The following PTPRD variants were observed in gnomAD, a reference collection of about 807,000 sequenced individuals.
The protein encoded by PTPRD is protein tyrosine phosphatase receptor type D, also known as receptor-type tyrosine-protein phosphatase delta.
Under a neutral mutation model 214.5 loss-of-function variants are expected in PTPRD, and 34 were observed. The observed-to-expected ratio is 0.16, with a 90% CI of 0.12 to 0.21. The LOEUF (loss-of-function observed/expected upper bound fraction) is 0.21, where lower values mean the gene tolerates loss of function less well. Among genes scored for constraint, PTPRD ranks in the 10% least tolerant of loss-of-function variants. PTPRD has a pLI of 1.00. For missense variants in PTPRD, 2,545 were observed against 2,398.7 expected (o/e 1.06, Z -1.27); for synonymous variants, 1,128 against 845.7 (o/e 1.33, Z -5.79).
chr9:8,957,454 G>C (rs2099137024), intron 11 of PTPRD, among the ~76,000 whole-genome samples: 1 of 151,358 alleles, frequency 6.6e-6, no homozygotes, highest in South Asian at 2.1e-4. Flanking sequence ...TTTTCCTTCT[G>C]TTCTGTTTTT....
At chr9:9,699,281 A>C (rs769545657) in intron 7 of PTPRD, among the ~76,000 whole-genome samples, 7 of 152,150 alleles carry the variant, frequency 4.6e-5, no homozygotes, top group African/African-American at 1.2e-4. Flanking sequence ...TTTCAAGCAC[A>C]ATGGCAATAA....
At chr9:8,694,734 T>C (rs1419420914) in intron 12 of PTPRD, among the ~76,000 whole-genome samples, 3 of 152,214 alleles carry the variant, frequency 2.0e-5, no homozygotes, top group East Asian at 1.9e-4. Flanking sequence ...TAAATACCTA[T>C]TATTCATGGG....
At chr9:9,900,368 A>G (rs530329270) in intron 5 of PTPRD, among the ~76,000 whole-genome samples, 2 of 152,340 alleles carry the variant, frequency 1.3e-5, no homozygotes, top group South Asian at 4.1e-4. Context: ...AAACTTTCAC[A>G]AATTGCTAGG....
chr9:9,790,970 C>A (rs1219192759), intron 5 of PTPRD, among the ~76,000 whole-genome samples: 1 of 152,110 alleles, frequency 6.6e-6, no homozygotes, highest in Non-Finnish European at 1.5e-5. Flanking sequence ...ACAGATGGTT[C>A]AGTACATATC....
chr9:8,318,979 T>C (rs1333388863), intron 45 of PTPRD, among the ~76,000 whole-genome samples: 1 of 152,248 alleles, frequency 6.6e-6, no homozygotes, highest in South Asian at 2.1e-4. Context: ...GCAAAATAAA[T>C]GGTGTTTACT....
chr9:9,671,307 T>C (rs942931476), intron 7 of PTPRD, among the ~76,000 whole-genome samples: 7 of 152,202 alleles, frequency 4.6e-5, no homozygotes, highest in Admixed American at 3.3e-4. Flanking sequence ...TGGCTATAGT[T>C]ACCCAATACC....
intron 11 of PTPRD, among the ~76,000 whole-genome samples, chr9:8,849,551 C>T (rs1171146254): frequency 6.6e-6 from 1 of 152,034 alleles, no homozygotes; most frequent in Non-Finnish European, 1.5e-5. Flanking sequence ...CAACTCAATT[C>T]AACGAAAAGG....
intron 11 of PTPRD, among the ~76,000 whole-genome samples, chr9:8,821,943 G>C (rs1012207370): frequency 3.3e-5 from 5 of 152,178 alleles, no homozygotes; most frequent in Non-Finnish European, 7.3e-5. Context: ...GATTACAGGC[G>C]TGAGCCACCC....
At chr9:9,619,505 T>A (rs1184002528) in intron 7 of PTPRD, among the ~76,000 whole-genome samples, 1 of 146,834 alleles carries the variant, frequency 6.8e-6, no homozygotes, top group East Asian at 2.0e-4. Context: ...TATATTATAT[T>A]ATATAAATAT....
Position 8,343,476 on chromosome 9 carries a change from T to C in PTPRD, c.4662-1498A>G, listed in dbSNP as rs189505658. 1.2e-3 allele frequency among the ~76,000 whole-genome samples: 184 copies of C among 152,106 alleles called. 1 individual carries two copies. Among genetic ancestry groups the C allele is most frequent in the African/African-American group, 4.2e-3 (174 of 41,518 alleles). ...TGGCAACCTGATGCAAACATTAATA[T>C]AGAGCAAAGTCGGCCTGGTGGTTCC... On this transcript the variant is annotated intron_variant, in intron 39 of 45. Coordinates refer to ENST00000381196, the MANE Select transcript of PTPRD (RefSeq NM_002839.4).
chr9:9,997,389 G>A (rs1286600195), intron 4 of PTPRD, among the ~76,000 whole-genome samples: 1 of 151,512 alleles, frequency 6.6e-6, no homozygotes, highest in Non-Finnish European at 1.5e-5. Flanking sequence ...GGGTTCAAGC[G>A]ATTCTCCTGC....
At chr9:9,659,183 C>T (rs1444317526) in intron 7 of PTPRD, among the ~76,000 whole-genome samples, 2 of 151,974 alleles carry the variant, frequency 1.3e-5, no homozygotes, top group African/African-American at 4.8e-5. Context: ...GGTGGAATAT[C>T]ACTTCATGCT....
At chr9:9,575,717 C>CA (rs757614546) in intron 7 of PTPRD, among the ~76,000 whole-genome samples, 710 of 33,272 alleles carry the variant, frequency 0.021, 50 homozygotes, top group Middle Eastern at 0.045. Flanking sequence ...AAGACTGTCT[C>CA]AAAAAAAAAA....
At chr9:10,346,727 T>A (rs947994260) in intron 2 of PTPRD, among the ~76,000 whole-genome samples, 8 of 152,162 alleles carry the variant, frequency 5.3e-5, no homozygotes, top group African/African-American at 1.9e-4. Context: ...AGAGAGGATA[T>A]CTTGTTTTCC....
At chr9:8,478,991 T>G (rs16927991) in intron 30 of PTPRD, among the ~76,000 whole-genome samples, 1 of 152,266 alleles carries the variant, frequency 6.6e-6, no homozygotes, top group Non-Finnish European at 1.5e-5. Context: ...TTTTTCTGGA[T>G]AGCTTTCATC....
intron 5 of PTPRD, among the ~76,000 whole-genome samples, chr9:9,890,329 T>C (rs1214733003): frequency 1.3e-5 from 2 of 151,796 alleles, no homozygotes; most frequent in Non-Finnish European, 2.9e-5. Context: ...CCCCAATACC[T>C]GTAACTACAA....
intron 3 of PTPRD, among the ~76,000 whole-genome samples, chr9:10,152,443 T>A (rs1727192474): frequency 1.3e-5 from 2 of 152,210 alleles, no homozygotes; most frequent in South Asian, 4.1e-4. Context: ...TCACAAATAT[T>A]TTCTCTTAGT....
At chr9:10,340,478 G>A (rs534200759) in intron 3 of PTPRD, among the ~76,000 whole-genome samples, 1 of 151,612 alleles carries the variant, frequency 6.6e-6, no homozygotes, top group South Asian at 2.1e-4. Context: ...TTTTGTTTTT[G>A]GTTTAAGTAC....
intron 10 of PTPRD, among the ~76,000 whole-genome samples, chr9:9,132,642 A>C (rs2099844536): frequency 6.6e-6 from 1 of 152,174 alleles, no homozygotes; most frequent in African/African-American, 2.4e-5. Context: ...TCTCTTTCTA[A>C]TTTAATTAAA....
Sources: allele counts gnomAD v4.1 joint callset (sites outside exome capture counted in the v4.1 genomes callset), GRCh38; gene constraint gnomAD v4.1.1; transcripts MANE v1.5; gene names NCBI Gene and HGNC (gene_info 2026-07-23, HGNC 2026-07-21).